LSAMP: variants seen among roughly 807,000 people sequenced by gnomAD.
The protein encoded by LSAMP is limbic system-associated membrane protein.
LSAMP carries 7 observed loss-of-function variants against 38.6 expected under a neutral mutation model. The ratio of observed to expected loss-of-function variants is 0.18; its 90% confidence interval spans 0.10 to 0.34. LSAMP has a LOEUF of 0.34. Among genes scored for constraint, LSAMP ranks in the 10% least tolerant of loss-of-function variants. LSAMP has a pLI of 1.00. For synonymous variants in LSAMP, 154 were observed against 166.8 expected (o/e 0.92, Z 0.59); for missense variants, 313 against 420.0 (o/e 0.75, Z 2.23).
intron 1 of LSAMP, among the ~76,000 whole-genome samples, chr3:116,390,118 T>G (rs2107811138): frequency 7.1e-6 from 1 of 141,330 alleles, no homozygotes; most frequent in African/African-American, 2.9e-5. Context: ...TTAAATTATA[T>G]ATGTATGTAT....
intron 1 of LSAMP, among the ~76,000 whole-genome samples, chr3:116,202,030 A>G (rs2045993920): frequency 6.6e-6 from 1 of 151,598 alleles, no homozygotes; most frequent in Admixed American, 6.6e-5. Context: ...TTATTCTCTG[A>G]CCCTTATGAT....
chr3:116,418,486 C>T (rs1408926693), intron 1 of LSAMP, among the ~76,000 whole-genome samples: 1 of 144,850 alleles, frequency 6.9e-6, no homozygotes. Context: ...TTATATTTCT[C>T]ATGTTTTTTT....
At chr3:116,147,602 G>T (rs1039356424) in intron 1 of LSAMP, among the ~76,000 whole-genome samples, 4 of 151,852 alleles carry the variant, frequency 2.6e-5, no homozygotes, top group Non-Finnish European at 5.9e-5. Context: ...ATTGACAACA[G>T]GCCCTACATT....
chr3:115,985,885 A>G (rs144741004), intron 3 of LSAMP, among the ~76,000 whole-genome samples: 246 of 152,322 alleles, frequency 1.6e-3, no homozygotes, highest in Non-Finnish European at 2.7e-3. Context: ...AGAGCCACCC[A>G]GCTAAACTGC....
intron 3 of LSAMP, among the ~76,000 whole-genome samples, chr3:115,925,938 G>A (rs16824281): frequency 0.12 from 17,998 of 152,044 alleles, 1,339 homozygotes; most frequent in East Asian, 0.2. Context: ...GAGAACTTCA[G>A]ATCCAAAGGG....
intron 1 of LSAMP, among the ~76,000 whole-genome samples, chr3:116,161,797 G>T (rs1709892349): frequency 6.6e-6 from 1 of 152,080 alleles, no homozygotes; most frequent in Non-Finnish European, 1.5e-5. Flanking sequence ...AAAAAAGTTG[G>T]ATTCCTATGT....
chr3:116,275,750 C>T (rs2047042667), intron 1 of LSAMP, among the ~76,000 whole-genome samples: 1 of 152,086 alleles, frequency 6.6e-6, no homozygotes, highest in South Asian at 2.1e-4. Context: ...CTCCCCTTCT[C>T]TCCTCTCCTA....
At chr3:116,200,627 A>G (rs1445049881) in intron 1 of LSAMP, among the ~76,000 whole-genome samples, 1 of 152,204 alleles carries the variant, frequency 6.6e-6, no homozygotes, top group East Asian at 1.9e-4. Context: ...AGTTCCGTTT[A>G]AAACCCTGCC....
intron 1 of LSAMP, among the ~76,000 whole-genome samples, chr3:116,422,161 G>C (rs2049137286): frequency 6.6e-6 from 1 of 152,130 alleles, no homozygotes; most frequent in Non-Finnish European, 1.5e-5. Context: ...TTATGCTAAG[G>C]CAAAGAAGCC....
chr3:115,868,996 T>A (rs1489898668), intron 3 of LSAMP, among the ~76,000 whole-genome samples: 1 of 152,154 alleles, frequency 6.6e-6, no homozygotes, highest in Non-Finnish European at 1.5e-5. Flanking sequence ...TTTATCCTAG[T>A]GACAAAGCTG....
chr3:115,907,158 A>C (rs376713242), intron 3 of LSAMP, among the ~76,000 whole-genome samples: 106 of 152,116 alleles, frequency 7.0e-4, no homozygotes, highest in African/African-American at 2.4e-3. Flanking sequence ...GCCTGTTCCC[A>C]CTTGGATCTA....
At chr3:116,028,889 T>A (rs1208930812) in intron 2 of LSAMP, among the ~76,000 whole-genome samples, 3 of 152,166 alleles carry the variant, frequency 2.0e-5, no homozygotes, top group African/African-American at 7.2e-5. Context: ...AGCTTTTATC[T>A]ACTATTATGG....
chr3:116,315,286 T>A (rs1453081416), intron 1 of LSAMP, among the ~76,000 whole-genome samples: 1 of 152,200 alleles, frequency 6.6e-6, no homozygotes, highest in Non-Finnish European at 1.5e-5. Flanking sequence ...TTTCCTCAGA[T>A]GCAATAGGGG....
rs1262863971 is a variant in LSAMP, at chr3:115,913,501, T to A, written c.515-60884A>T. On this transcript the variant is annotated intron_variant, in intron 3 of 6. Coordinates refer to ENST00000490035, the MANE Select transcript of LSAMP (RefSeq NM_002338.5). ...TGCTTAGCAGACTAGCAGGAGCCGGTGTACTATGGCCCTCAGCCTCCCCAG... is the reference window on the plus strand; with the variant it reads ...TGCTTAGCAGACTAGCAGGAGCCGGAGTACTATGGCCCTCAGCCTCCCCAG... Among the ~76,000 whole-genome samples the A allele has an allele frequency of 2.0e-5, 3 of 152,318 alleles. No individual in the cohort carries two copies. In the East Asian group the frequency reaches 5.8e-4, roughly 29 times the overall value.
intron 1 of LSAMP, among the ~76,000 whole-genome samples, chr3:116,276,224 A>G (rs1306476695): frequency 6.6e-6 from 1 of 152,192 alleles, no homozygotes; most frequent in Non-Finnish European, 1.5e-5. Context: ...AAATAAAACA[A>G]ATGAACCCAC....
intron 1 of LSAMP, among the ~76,000 whole-genome samples, chr3:116,320,080 A>G (rs1488315848): frequency 6.6e-6 from 1 of 152,188 alleles, no homozygotes; most frequent in African/African-American, 2.4e-5. Context: ...TGTACAAGAA[A>G]ACTGCTATTG....
intron 1 of LSAMP, among the ~76,000 whole-genome samples, chr3:116,203,105 CTTCATGTCTTTTATTTTCCT>C (rs1320629615): frequency 6.6e-6 from 1 of 152,148 alleles, no homozygotes; most frequent in Non-Finnish European, 1.5e-5. Flanking sequence ...GCTTTCCAAT[CTTCATGTCTTTTATTTTCCT>C]TTCATGTCTT....
At chr3:116,326,363 A>G (rs2047772803) in intron 1 of LSAMP, among the ~76,000 whole-genome samples, 1 of 152,156 alleles carries the variant, frequency 6.6e-6, no homozygotes. Context: ...AAAAGAACCA[A>G]ACTTCCCTAA....
chr3:116,074,561 T>G (rs1377767699), intron 2 of LSAMP, among the ~76,000 whole-genome samples: 6 of 152,174 alleles, frequency 3.9e-5, no homozygotes, highest in Non-Finnish European at 1.5e-5. Flanking sequence ...TTGATAGATA[T>G]CCCTACATTA....
Sources: allele counts gnomAD v4.1 joint callset (sites outside exome capture counted in the v4.1 genomes callset), GRCh38; gene constraint gnomAD v4.1.1; transcripts MANE v1.5; gene names NCBI Gene and HGNC (gene_info 2026-07-23, HGNC 2026-07-21).